Variants in TTF1 observed in about 807,000 individuals in gnomAD.
TTF1 encodes the protein transcription termination factor, RNA polymerase I.
In TTF1, 64 loss-of-function variants were observed where a neutral mutation model predicts 80.2. The ratio of observed to expected loss-of-function variants is 0.80; its 90% CI spans 0.65 to 0.98. TTF1 has a LOEUF of 0.98. TTF1 is among the 50% of genes least tolerant of loss of function. The probability of loss-of-function intolerance (pLI) is 0.00; values close to 1 mark genes in which losing one functional copy is unlikely to be tolerated. For missense variants in TTF1, 1,023 were observed against 1,086.2 expected (o/e 0.94, Z 0.82); for synonymous variants, 372 against 382.7 (o/e 0.97, Z 0.33).
rs1243039326 is a variant in TTF1 at position 132,402,803 on chromosome 9, T to G, written c.19A>C (p.Arg7=). MEGESS[R]FEIHTPVSDK... is the part of the protein sequence containing the mutation. ...GAAACTGGAGTGTGGATTTCAAATC[T>G]GCTTGATTCTCCTTCCATTTTATTC... is the stretch of plus-strand genomic sequence containing the variant. The change falls in exon 2 of 11, where the codon AGA becomes CGA. Residue 7 remains arginine, a synonymous_variant. Transcript: ENST00000334270. 3.8e-6 allele frequency: 6 copies of G among 1,579,364 alleles called. No homozygotes were observed. The highest frequency in any genetic ancestry group is 5.1e-6 in the Non-Finnish European group (6 of 1,168,020).
At chr9:132,386,645 AT>A in intron 8 of TTF1, 24 bp from the exon 9 acceptor site, 1 of 1,585,394 alleles carries the variant, frequency 6.3e-7, no homozygotes, top group Admixed American at 1.7e-5. Flanking sequence ...TAAAAATTAA[AT>A]TTTCAAGCAA....
chr9:132,405,053 T>A (rs1378708224), intron 1 of TTF1, among the ~76,000 whole-genome samples: 1 of 151,210 alleles, frequency 6.6e-6, no homozygotes. Context: ...GCCAGGCTAA[T>A]TTTTTTGTAT....
At chr9:132,376,665 T>TC (rs1331520406) in intron 10 of TTF1, among the ~76,000 whole-genome samples, 2 of 148,546 alleles carry the variant, frequency 1.3e-5, no homozygotes, top group African/African-American at 4.9e-5. Flanking sequence ...CTGTATCCTT[T>TC]TTTTTTTTTT....
At position 132,401,978 on chromosome 9, in the gene TTF1, T is replaced by C. The variant is rs760429317; in HGVS notation, c.844A>G (p.Lys282Glu). The C allele has an allele frequency of 6.2e-7, 1 of 1,613,842 alleles. No individual in the cohort carries two copies. The highest frequency in any genetic ancestry group is 1.7e-5 in the Admixed American group (1 of 59,962). Residue 282 changes from lysine to glutamate, a missense_variant, in exon 2 of 11, where the codon AAG (lysine) becomes GAG (glutamate). Physicochemically the swap from Lys to Glu is moderately conservative, Grantham distance 56. Transcript: ENST00000334270. ...KKKSKKKKKK[K>E]SNHQEFEALA... ...GCCTCAAATTCCTGGTGATTGGACT[T>C]TTTCTTCTTTTTTTTCTTAGACTTT...
chr9:132,399,215 G>GA (rs55751097), intron 3 of TTF1, among the ~76,000 whole-genome samples: 10 of 130,834 alleles, frequency 7.6e-5, no homozygotes, highest in African/African-American at 2.6e-4. Flanking sequence ...AAAAAAAAAA[G>GA]AAAAAAAAAA....
Position 132,401,522 on chromosome 9 carries a change from T to TCA in TTF1, c.1298_1299dup (p.Lys434Ter), listed in dbSNP as rs1257557836. 1 of 1,614,086 alleles carries TCA rather than the reference T, an allele frequency of 6.2e-7. No homozygotes were observed. Among genetic ancestry groups the TCA allele is most frequent in the East Asian group, 2.2e-5 (1 of 44,900 alleles). On this transcript the variant is annotated frameshift_variant, in exon 2 of 11. Coordinates refer to ENST00000334270, the MANE Select transcript of TTF1 (RefSeq NM_007344.4). LOFTEE classifies it high-confidence loss of function. ...GTTTTCTTTTGTCGGGGCCTAGATT[T>TCA]CACACCTTCTTCCATCATGGCGCCA...
At chr9:132,400,448 G>T (rs1849740597) in intron 2 of TTF1, among the ~76,000 whole-genome samples, 190 bp from the exon 3 acceptor site, 2 of 152,088 alleles carry the variant, frequency 1.3e-5, no homozygotes, top group Admixed American at 1.3e-4. Flanking sequence ...TCAGCCTCCA[G>T]AGTAGCTGGG....
intron 9 of TTF1, among the ~76,000 whole-genome samples, chr9:132,385,485 G>C (rs755591105): frequency 1.3e-5 from 2 of 152,162 alleles, no homozygotes; most frequent in African/African-American, 2.4e-5. Context: ...CATCGCTGCC[G>C]TCATTTTACT....
At chr9:132,406,621 A>C (rs1849873509) in intron 1 of TTF1, among the ~76,000 whole-genome samples, 169 bp downstream of exon 1, 1 of 130,230 alleles carries the variant, frequency 7.7e-6, no homozygotes. Context: ...AAAAAAAAAA[A>C]CACCCAAGCC....
In TTF1 at chr9:132,392,143, CTTCCAGTCA is replaced by C. The variant is rs1417190872; in HGVS notation, c.1911_1919del (p.Asn637_Trp639del). 4.0e-5 allele frequency: 65 copies of C among 1,614,090 alleles called. No individual in the cohort carries two copies. The highest frequency in any genetic ancestry group is 5.4e-5 in the Non-Finnish European group (64 of 1,180,044). ...TTCGGGCCACCATCTCACCAATCGTCTTCCAGTCATTCCCAAGGAGAGAATGGTACATCT... is the reference window on the plus strand; with the variant it reads ...TTCGGGCCACCATCTCACCAATCGTCTTCCCAAGGAGAGAATGGTACATCT... On this transcript the variant is annotated inframe_deletion, in exon 6 of 11. Coordinates refer to ENST00000334270, the MANE Select transcript of TTF1 (RefSeq NM_007344.4).
chr9:132,376,410 T>C (rs1016995033), intron 10 of TTF1, among the ~76,000 whole-genome samples: 3 of 152,192 alleles, frequency 2.0e-5, no homozygotes, highest in African/African-American at 7.2e-5. Flanking sequence ...ATTAAGAGAC[T>C]TGCCCGAGGC....
intron 6 of TTF1, among the ~76,000 whole-genome samples, chr9:132,391,356 C>T (rs1315706702): frequency 6.6e-6 from 1 of 152,134 alleles, no homozygotes; most frequent in Non-Finnish European, 1.5e-5. Flanking sequence ...TTCACGGTCA[C>T]GCTAAGTAAG....
Position 132,401,952 on chromosome 9 carries a change from T to C in TTF1, c.870A>G (p.Ala290=), listed in dbSNP as rs199676304. The C allele has an allele frequency of 1.2e-5, 20 of 1,613,952 alleles. No individual in the cohort carries two copies. Among genetic ancestry groups the C allele is most frequent in the Non-Finnish European group, 1.5e-5 (18 of 1,180,020 alleles). ...CTTGTGATCCTTCAGGCATGGCCAA[T>C]GCCTCAAATTCCTGGTGATTGGACT... is the stretch of plus-strand genomic sequence containing the variant. ...KKKSNHQEFE[A]LAMPEGSQVG... is the part of the protein sequence containing the mutation. The change falls in exon 2 of 11, where the codon GCA becomes GCG. Residue 290 remains alanine, a synonymous_variant. Transcript: ENST00000334270.
At chr9:132,377,577 TG>T (rs1195649842) in intron 10 of TTF1, among the ~76,000 whole-genome samples, 1 of 29,344 alleles carries the variant, frequency 3.4e-5, no homozygotes, top group African/African-American at 8.1e-5. Flanking sequence ...TGAGTGCATG[TG>T]GTGTGTGTGA....
At chr9:132,385,368 G>A (rs1849445588) in intron 9 of TTF1, among the ~76,000 whole-genome samples, 1 of 152,214 alleles carries the variant, frequency 6.6e-6, no homozygotes, top group East Asian at 1.9e-4. Context: ...TCCAAATTGG[G>A]TACACAAAGG....
chr9:132,391,408 G>GC (rs35805037), intron 6 of TTF1, among the ~76,000 whole-genome samples: 139,990 of 152,056 alleles, frequency 0.92, 65,600 homozygotes, highest in East Asian at 1. Flanking sequence ...TTTTGGTCTG[G>GC]CCACAGAATG....
intron 10 of TTF1, among the ~76,000 whole-genome samples, chr9:132,378,781 C>T (rs1378255323): frequency 6.6e-6 from 1 of 151,792 alleles, no homozygotes; most frequent in Non-Finnish European, 1.5e-5. Context: ...GCTGTGTGCA[C>T]GAGTGTGTGT....
chr9:132,377,303 G>GGTGT (rs143962978), intron 10 of TTF1, among the ~76,000 whole-genome samples: 2 of 130,276 alleles, frequency 1.5e-5, no homozygotes, highest in Admixed American at 7.8e-5. Flanking sequence ...GAATGCATGT[G>GGTGT]GTGTGAGTGC....
At chr9:132,406,186 C>A (rs182743321) in intron 1 of TTF1, among the ~76,000 whole-genome samples, 1 of 152,290 alleles carries the variant, frequency 6.6e-6, no homozygotes, top group East Asian at 1.9e-4. Flanking sequence ...CAAACCTGGT[C>A]CCGGATTCTC....
Sources: allele counts gnomAD v4.1 joint callset (sites outside exome capture counted in the v4.1 genomes callset), GRCh38; gene constraint gnomAD v4.1.1; transcripts MANE v1.5; gene names NCBI Gene and HGNC (gene_info 2026-07-23, HGNC 2026-07-21).